Variants in BTG4 observed in about 807,000 individuals in gnomAD.
The protein encoded by BTG4 is BTG anti-proliferation factor 4, also known as protein BTG4.
In BTG4, 10 loss-of-function variants were observed where a neutral mutation model predicts 19.3. The observed-to-expected ratio is 0.52, with a 90% CI of 0.32 to 0.88. The LOEUF (loss-of-function observed/expected upper bound fraction) is 0.88, where lower values mean the gene tolerates loss of function less well. BTG4 is among the 40% of genes least tolerant of loss of function. The pLI is 0.04. For synonymous variants in BTG4, 91 were observed against 95.7 expected (o/e 0.95, Z 0.29); for missense variants, 238 against 281.9 (o/e 0.84, Z 1.11).
At chr11:111,412,379 T>C in the BTG4 span, among the ~76,000 whole-genome samples, 4 of 130,396 alleles carry the variant, frequency 3.1e-5, no homozygotes, top group South Asian at 2.2e-4. Context: ...ATTTAATTTG[T>C]CCTAAGTTTC....
chr11:111,404,515 G>A, the BTG4 span: 2 of 450,602 alleles, frequency 4.4e-6, no homozygotes, highest in Non-Finnish European at 8.9e-6. Context: ...ATGAAACAGG[G>A]GGCAGGGAAT....
chr11:111,435,507 T>C, the BTG4 span, among the ~76,000 whole-genome samples: 1 of 152,156 alleles, frequency 6.6e-6, no homozygotes, highest in East Asian at 1.9e-4. Flanking sequence ...GGGTTTTGTT[T>C]CCCCTTTATA....
chr11:111,451,929 A>G, the BTG4 span, among the ~76,000 whole-genome samples: 18 of 152,172 alleles, frequency 1.2e-4, no homozygotes, highest in African/African-American at 4.3e-4. Flanking sequence ...AAGGAGGGGA[A>G]GGTTGAGAGG....
At chr11:111,410,781 T>C in the BTG4 span, among the ~76,000 whole-genome samples, 1 of 152,040 alleles carries the variant, frequency 6.6e-6, no homozygotes. Flanking sequence ...ATTTCTAACT[T>C]AACATGTCTA....
At chr11:111,505,016 T>C (rs899306037) in intron 1 of BTG4, among the ~76,000 whole-genome samples, 1 of 152,022 alleles carries the variant, frequency 6.6e-6, no homozygotes, top group Non-Finnish European at 1.5e-5. Flanking sequence ...ATTGGAAGAA[T>C]TAATATGGTT....
chr11:111,503,540 T>C (rs1201777219), intron 1 of BTG4, among the ~76,000 whole-genome samples: 1 of 152,174 alleles, frequency 6.6e-6, no homozygotes, highest in Non-Finnish European at 1.5e-5. Flanking sequence ...TTTTTGAAAA[T>C]GTCCAGTGAA....
chr11:111,483,202 A>T (rs1289755141), intron 5 of BTG4, among the ~76,000 whole-genome samples: 2 of 152,178 alleles, frequency 1.3e-5, no homozygotes, highest in Admixed American at 6.6e-5. Flanking sequence ...CAGTGACCAC[A>T]AGCTTAGATC....
At chr11:111,423,394 GAA>G in the BTG4 span, among the ~76,000 whole-genome samples, 2 of 152,206 alleles carry the variant, frequency 1.3e-5, no homozygotes, top group African/African-American at 2.4e-5. Context: ...GTCAAAACTT[GAA>G]ATAACTCCCA....
rs757987459 is a variant in BTG4, at chr11:111,498,740, T to C, written c.37A>G (p.Thr13Ala). 6.2e-7 allele frequency: 1 copy of C among 1,612,882 alleles called. No homozygotes were observed. The highest frequency in any genetic ancestry group is 1.1e-5 in the South Asian group (1 of 90,674). ...DEIATTVFFV[T>A]RLVKKHDKLS... ...TTATCATGTTTTTTCACCAATCTTG[T>C]GACAAAGAAAACTGTTGTTGCAATT... Residue 13 changes from threonine (T) to alanine (A), a missense_variant, in exon 2 of 5, where the codon ACA (threonine) becomes GCA (alanine). Coordinates refer to ENST00000692032, the MANE Select transcript of BTG4 (RefSeq NM_001367975.1).
intron 5 of BTG4, among the ~76,000 whole-genome samples, chr11:111,477,459 T>C (rs1486875413): frequency 6.6e-6 from 1 of 152,126 alleles, no homozygotes; most frequent in African/African-American, 2.4e-5. Flanking sequence ...TATTCAATTG[T>C]CTTAAGATTT....
the BTG4 span, among the ~76,000 whole-genome samples, chr11:111,436,012 T>C: frequency 1.3e-5 from 2 of 152,118 alleles, no homozygotes; most frequent in Non-Finnish European, 2.9e-5. Context: ...ACAAAGAAAA[T>C]GTTAATAACC....
chr11:111,460,545 G>C, the BTG4 span, among the ~76,000 whole-genome samples: 1 of 152,024 alleles, frequency 6.6e-6, no homozygotes, highest in Non-Finnish European at 1.5e-5. Flanking sequence ...TCACAAGGGT[G>C]TTAAGAAAGC....
chr11:111,390,316 A>T, the BTG4 span, among the ~76,000 whole-genome samples: 3 of 152,304 alleles, frequency 2.0e-5, no homozygotes, highest in Admixed American at 2.0e-4. Flanking sequence ...TAAGGATGGA[A>T]CAGTGAACAA....
chr11:111,388,280 AGTTGGTTGGTTGGTTG>A, the BTG4 span, among the ~76,000 whole-genome samples: 19 of 145,650 alleles, frequency 1.3e-4, no homozygotes, highest in East Asian at 1.8e-3. Flanking sequence ...GCCATGACTC[AGTTGGTTGGTTGGTTG>A]GTTGGTTGGT....
chr11:111,493,170 C>T (rs1427935902), downstream of BTG4, among the ~76,000 whole-genome samples: 1 of 152,036 alleles, frequency 6.6e-6, no homozygotes, highest in African/African-American at 2.4e-5. Flanking sequence ...AACAAACAAA[C>T]AGAGTCCAAA....
chr11:111,403,445 A>G, the BTG4 span, among the ~76,000 whole-genome samples: 1 of 152,210 alleles, frequency 6.6e-6, no homozygotes, highest in African/African-American at 2.4e-5. Flanking sequence ...CTTTACCTGC[A>G]TTGTGGGACA....
At chr11:111,408,256 A>G in the BTG4 span, among the ~76,000 whole-genome samples, 2 of 152,118 alleles carry the variant, frequency 1.3e-5, no homozygotes, top group African/African-American at 2.4e-5. Flanking sequence ...TATTTCCCTT[A>G]CGTCCTCCCA....
At chr11:111,415,215 G>A in the BTG4 span, among the ~76,000 whole-genome samples, 1 of 151,864 alleles carries the variant, frequency 6.6e-6, no homozygotes, top group South Asian at 2.1e-4. Flanking sequence ...TTGGCTTACT[G>A]TTACCAGTGA....
the BTG4 span, chr11:111,459,587 C>T: frequency 6.6e-6 from 1 of 151,864 alleles, no homozygotes; most frequent in Non-Finnish European, 1.5e-5. Flanking sequence ...TAACCCGCAA[C>T]TCCTCCTCTT....
Sources: gnomAD v4.1 joint callset for allele counts (sites outside exome capture counted in the v4.1 genomes callset) on GRCh38, gnomAD v4.1.1 for gene constraint, MANE v1.5 for transcripts, NCBI Gene and HGNC (gene_info 2026-07-23, HGNC 2026-07-21) for gene names.